Variants in CHFR observed in about 807,000 individuals in gnomAD.
The protein encoded by CHFR is E3 ubiquitin-protein ligase CHFR.
Under a neutral mutation model 87.6 loss-of-function variants are expected in CHFR, and 57 were observed. The observed-to-expected ratio is 0.65, with a 90% CI of 0.53 to 0.81. CHFR has a LOEUF of 0.81. CHFR is among the 30% of genes least tolerant of loss of function. The probability of loss-of-function intolerance (pLI) is 0.00; values close to 1 mark genes in which losing one functional copy is unlikely to be tolerated. For synonymous variants in CHFR, 381 were observed against 359.2 expected, an observed-to-expected ratio of 1.06 and a Z score of -0.69; for missense variants, 797 against 865.8, an observed-to-expected ratio of 0.92 and a Z score of 1.00.
intron 2 of CHFR, among the ~76,000 whole-genome samples, chr12:132,882,528 A>G (rs2137067265): frequency 6.6e-6 from 1 of 152,294 alleles, no homozygotes. Flanking sequence ...TATTTGTGCA[A>G]ACATTCTGTA....
chr12:132,843,491 T>C (rs1413070428), intron 16 of CHFR, among the ~76,000 whole-genome samples: 1 of 152,184 alleles, frequency 6.6e-6, no homozygotes, highest in Non-Finnish European at 1.5e-5. Context: ...ATTACCCCAG[T>C]TGACTATTGG....
intron 8 of CHFR, among the ~76,000 whole-genome samples, chr12:132,858,203 CA>C (rs1382106388): frequency 1.3e-5 from 2 of 151,964 alleles, no homozygotes; most frequent in East Asian, 1.9e-4. Context: ...ACTAAAAATA[CA>C]AAAAAATTAG....
chr12:132,883,830 T>C (rs12297152), intron 2 of CHFR, among the ~76,000 whole-genome samples: 23,101 of 151,670 alleles, frequency 0.15, 2,261 homozygotes, highest in Admixed American at 0.21. Context: ...AATCAAGTTC[T>C]GTCTGGGCGA....
intron 8 of CHFR, among the ~76,000 whole-genome samples, chr12:132,858,826 C>T (rs1951145346): frequency 6.8e-6 from 1 of 146,830 alleles, no homozygotes; most frequent in African/African-American, 2.5e-5. Context: ...CACCTGTAGT[C>T]CCAGCAACTC....
chr12:132,848,668 A>C lies in CHFR; in HGVS notation c.1549T>G (p.Cys517Gly), dbSNP rs1950876982. Residue 517 changes from cysteine to glycine, a missense_variant, in exon 13 of 18, where the codon TGC (cysteine) becomes GGC (glycine). Physicochemically the swap from Cys to Gly is radical, Grantham distance 159. Transcript: ENST00000450056. ...HLYWGCTRTG[C>G]YGCLAPFCEL... ...CAAAACGGGGCCAGGCAGCCGTAGC[A>C]GCCGGTCCGGGTGCAGCCCCAGTAC... 6.3e-7 allele frequency: 1 copy of C among 1,596,478 alleles called. No homozygotes were observed. The highest frequency in any genetic ancestry group is 8.5e-7 in the Non-Finnish European group (1 of 1,171,800).
rs556865760 is a variant in CHFR, at chr12:132,851,847, G to A, written c.1373-110C>T. 1.2e-3 allele frequency: 1,627 copies of A among 1,349,726 alleles called. 5 individuals carry two copies. The highest frequency in any genetic ancestry group is 1.5e-3 in the Non-Finnish European group (1,509 of 1,003,304). The allele number at this position is 1,349,726 out of a possible 1,614,324, so 83.6% of individuals were successfully genotyped here. The stretch of plus-strand genomic sequence containing the variant: ...GAGGAGAGGTGCACCTGAGACAGCC[G>A]GGGAAGAAGCAGACCTGCCCTGCTA... On this transcript the variant is annotated intron_variant, in intron 11 of 17. Transcript: ENST00000450056.
At chr12:132,848,876 C>T (rs952966552) in intron 12 of CHFR, 152 bp from the exon 13 acceptor site, 9 of 584,630 alleles carry the variant, frequency 1.5e-5, no homozygotes, top group African/African-American at 5.6e-5. Flanking sequence ...ATCCAGCTAA[C>T]GCCACCCAGG....
At chr12:132,873,480 A>G (rs1331757205) in intron 3 of CHFR, among the ~76,000 whole-genome samples, 1 of 152,334 alleles carries the variant, frequency 6.6e-6, no homozygotes, top group Middle Eastern at 3.4e-3. Flanking sequence ...GTTTTTTTCA[A>G]TGAGAGGGAA....
intron 11 of CHFR, 108 bp from the exon 12 acceptor site, chr12:132,851,845 C>A: frequency 7.3e-7 from 1 of 1,363,040 alleles, no homozygotes; most frequent in Non-Finnish European, 9.9e-7. Flanking sequence ...CCTGAGACAG[C>A]CGGGGAAGAA....
At chr12:132,887,519 C>G (rs1306618015) in intron 1 of CHFR, 28 bp downstream of exon 1, 6 of 196,940 alleles carry the variant, frequency 3.0e-5, no homozygotes, top group Non-Finnish European at 4.6e-5. Context: ...TCGCCGCCCG[C>G]CGCAGCCCCC....
intron 10 of CHFR, chr12:132,853,888 C>T (rs529465232): frequency 1.6e-5 from 6 of 363,740 alleles, no homozygotes; most frequent in South Asian, 7.1e-5. Context: ...AGGGCCAGCA[C>T]GTGCGCGCAC....
intron 6 of CHFR, 159 bp from the exon 7 acceptor site, chr12:132,861,793 C>G: frequency 4.8e-6 from 3 of 630,986 alleles, no homozygotes; most frequent in Non-Finnish European, 5.5e-6. Context: ...GCTCACTCAA[C>G]TCACATCTTA....
In CHFR at chr12:132,835,537, G is replaced by A. The variant is rs976816028; in HGVS notation, c.*6017C>T. The A allele has an allele frequency of 1.7e-4, 27 of 163,092 alleles. No homozygotes were observed. The highest frequency in any genetic ancestry group is 9.4e-4 in the Admixed American group (16 of 17,050). 10.1% of individuals were successfully genotyped at this position (163,092 alleles called of 1,614,324 possible). A position where few individuals can be genotyped will look rare whatever the true frequency, so the allele number is the denominator to read the frequency against. ...CTAATCCAATAGGACTGGTGTCCTC[G>A]CAGGAAGAGATTAGGGCACAAACAC... On this transcript the variant is annotated 3_prime_UTR_variant, in exon 18 of 18. Coordinates refer to ENST00000450056, the MANE Select transcript of CHFR (RefSeq NM_001161346.2).
intron 2 of CHFR, among the ~76,000 whole-genome samples, chr12:132,884,573 C>T (rs1244701621): frequency 6.6e-6 from 1 of 152,032 alleles, no homozygotes; most frequent in Non-Finnish European, 1.5e-5. Flanking sequence ...GGAAATGGGG[C>T]CTGTGAGCTG....
chr12:132,872,308 T>A lies in CHFR; in HGVS notation c.320A>T (p.Tyr107Phe). Residue 107 changes from tyrosine (Y) to phenylalanine (F), a missense_variant, in exon 4 of 18, where the codon TAC (tyrosine) becomes TTC (phenylalanine). Transcript: ENST00000450056. ...LQTGDVIYLV[Y>F]RKNEPEHNVA... The stretch of plus-strand genomic sequence containing the variant: ...ACTGTGTTCCGGTTCATTCTTCCTG[T>A]ACACCAAGTAGATGACATCCCCAGT... The A allele has an allele frequency of 6.2e-7, 1 of 1,611,768 alleles. No homozygotes were observed. The highest frequency in any genetic ancestry group is 8.5e-7 in the Non-Finnish European group (1 of 1,177,816).
rs898878245 is a variant in CHFR, at chr12:132,887,190, C to T, written c.133+6G>A. The T allele has an allele frequency of 2.0e-6, 3 of 1,489,400 alleles. No homozygotes were observed. The South Asian group carries it at 3.7e-5, about 19-fold the overall frequency. 92.3% of individuals were successfully genotyped at this position (1,489,400 alleles called of 1,614,324 possible). A position where few individuals can be genotyped will look rare whatever the true frequency, so the allele number is the denominator to read the frequency against. On this transcript the variant is annotated splice_donor_region_variant and intron_variant, in intron 2 of 17. Transcript: ENST00000450056. ...CCGGCCCCCGGCCCCGGCCTCAGCC[C>T]CGCACCTCGTCTCCGCCCGATGGTC...
chr12:132,849,648 T>A (rs1388302135), intron 12 of CHFR: 2 of 149,892 alleles, frequency 1.3e-5, no homozygotes, highest in Admixed American at 6.7e-5. Flanking sequence ...TAGGCTGGAG[T>A]ATAGTGGAGC....
chr12:132,864,330 G>A (rs1013788754), intron 6 of CHFR, among the ~76,000 whole-genome samples: 12 of 152,166 alleles, frequency 7.9e-5, no homozygotes, highest in Admixed American at 1.3e-4. Context: ...CCAGCGCCCC[G>A]TGCTCAGCCA....
intron 7 of CHFR, among the ~76,000 whole-genome samples, chr12:132,860,335 T>C (rs752934181): frequency 6.6e-6 from 1 of 152,204 alleles, no homozygotes; most frequent in Non-Finnish European, 1.5e-5. Flanking sequence ...TTTGTATTAT[T>C]ATGCTTATGC....
Sources: allele counts gnomAD v4.1 joint callset (sites outside exome capture counted in the v4.1 genomes callset), GRCh38; gene constraint gnomAD v4.1.1; transcripts MANE v1.5; gene names NCBI Gene and HGNC (gene_info 2026-07-23, HGNC 2026-07-21).